COL8A1: variants seen among roughly 807,000 people sequenced by gnomAD.
The protein encoded by COL8A1 is collagen alpha-1(VIII) chain.
A neutral mutation model predicts 42.7 loss-of-function variants in COL8A1; 21 were observed. The observed-to-expected ratio is 0.49, with a 90% CI of 0.35 to 0.71. The LOEUF is 0.71. COL8A1 is among the 30% of genes least tolerant of loss of function. The pLI is 0.01. For missense variants in COL8A1, 788 were observed against 962.4 expected, an observed-to-expected ratio of 0.82 and a Z score of 2.40; for synonymous variants, 367 against 369.1, an observed-to-expected ratio of 0.99 and a Z score of 0.06.
At chr3:99,684,594 T>C (rs531079126) in intron 1 of COL8A1, among the ~76,000 whole-genome samples, 43 of 152,344 alleles carry the variant, frequency 2.8e-4, no homozygotes, top group African/African-American at 9.6e-4. Context: ...AAATGGACAG[T>C]AGTCAGATCT....
At chr3:99,660,861 A>G (rs1265824089) in intron 1 of COL8A1, among the ~76,000 whole-genome samples, 1 of 152,210 alleles carries the variant, frequency 6.6e-6, no homozygotes, top group Non-Finnish European at 1.5e-5. Context: ...AGCTAACCAT[A>G]ATGTCACAGG....
chr3:99,776,548 T>C (rs974953157), intron 2 of COL8A1, among the ~76,000 whole-genome samples: 1 of 152,124 alleles, frequency 6.6e-6, no homozygotes, highest in East Asian at 1.9e-4. Context: ...AGTTTCACTT[T>C]GTAAGCAAAA....
At chr3:99,719,361 C>A (rs950848847) in intron 1 of COL8A1, among the ~76,000 whole-genome samples, 5 of 151,854 alleles carry the variant, frequency 3.3e-5, no homozygotes, top group Admixed American at 6.6e-5. Flanking sequence ...AGTTCCTAGC[C>A]CATAGTAGGC....
intron 1 of COL8A1, among the ~76,000 whole-genome samples, chr3:99,689,118 A>T (rs1222279404): frequency 6.6e-6 from 1 of 152,216 alleles, no homozygotes; most frequent in Non-Finnish European, 1.5e-5. Flanking sequence ...GATATTAATT[A>T]ATGACTAATT....
chr3:99,691,327 AC>A (rs1215118690), intron 1 of COL8A1: 5 of 152,206 alleles, frequency 3.3e-5, no homozygotes, highest in African/African-American at 4.8e-5. Context: ...TAGTCATGAT[AC>A]CATGAATTCT....
At chr3:99,688,974 C>A (rs895398638) in intron 1 of COL8A1, among the ~76,000 whole-genome samples, 6 of 152,088 alleles carry the variant, frequency 3.9e-5, no homozygotes, top group African/African-American at 1.4e-4. Context: ...AAAAGTGTCT[C>A]CACACATAGC....
chr3:99,730,712 C>A (rs953009863), intron 1 of COL8A1, among the ~76,000 whole-genome samples: 1 of 152,036 alleles, frequency 6.6e-6, no homozygotes, highest in Admixed American at 6.6e-5. Flanking sequence ...GAGAAGTGAA[C>A]GTTATTCATT....
Position 99,797,631 on chromosome 3 carries a change from G to A in COL8A1, c.*1495G>A, listed in dbSNP as rs1942128357. On this transcript the variant is annotated 3_prime_UTR_variant, in exon 4 of 4. Coordinates refer to ENST00000652472, the MANE Select transcript of COL8A1 (RefSeq NM_020351.4). ...GAGGGGGGAGTTTCAGAATTACATAGAAAAATTAATATTTGAAAAAATAAT... is the reference window on the plus strand; with the variant it reads ...GAGGGGGGAGTTTCAGAATTACATAAAAAAATTAATATTTGAAAAAATAAT... The A allele has an allele frequency of 6.6e-6, 1 of 152,096 alleles. No individual in the cohort carries two copies. Among genetic ancestry groups the A allele is most frequent in the Non-Finnish European group, 1.5e-5 (1 of 68,026 alleles). The allele number at this position is 152,096 out of a possible 1,614,324, so 9.4% of individuals were successfully genotyped here. A position where few individuals can be genotyped will look rare whatever the true frequency, so the allele number is the denominator to read the frequency against.
chr3:99,696,494 A>C (rs1161721109), intron 1 of COL8A1, among the ~76,000 whole-genome samples: 1 of 152,176 alleles, frequency 6.6e-6, no homozygotes, highest in Non-Finnish European at 1.5e-5. Flanking sequence ...CTAAGGCAGA[A>C]AGAGAGCTTG....
At chr3:99,753,258 C>G (rs1407314188) in intron 2 of COL8A1, among the ~76,000 whole-genome samples, 1 of 152,194 alleles carries the variant, frequency 6.6e-6, no homozygotes, top group African/African-American at 2.4e-5. Context: ...TTAAGAACCA[C>G]TAACTGATCT....
chr3:99,703,154 T>G (rs185177091), intron 1 of COL8A1, among the ~76,000 whole-genome samples: 9 of 152,338 alleles, frequency 5.9e-5, no homozygotes, highest in African/African-American at 1.9e-4. Flanking sequence ...GTGAGGGTAT[T>G]GAGCAGAAAA....
chr3:99,714,776 A>G (rs1305300960), intron 1 of COL8A1, among the ~76,000 whole-genome samples: 1 of 152,136 alleles, frequency 6.6e-6, no homozygotes, highest in Non-Finnish European at 1.5e-5. Context: ...ACAGATATTG[A>G]ATAAGAAAAC....
At chr3:99,650,864 C>T (rs981234005) in intron 1 of COL8A1, among the ~76,000 whole-genome samples, 2 of 152,040 alleles carry the variant, frequency 1.3e-5, no homozygotes, top group Non-Finnish European at 1.5e-5. Flanking sequence ...TGGTTTAGGT[C>T]CCTTGGTGAG....
intron 1 of COL8A1, among the ~76,000 whole-genome samples, chr3:99,732,053 T>C (rs1940526271): frequency 6.6e-6 from 1 of 152,160 alleles, no homozygotes; most frequent in African/African-American, 2.4e-5. Flanking sequence ...AGAGGGGGCA[T>C]AGCCCTGCCA....
intron 1 of COL8A1, among the ~76,000 whole-genome samples, chr3:99,735,072 G>C (rs1265052749): frequency 6.6e-6 from 1 of 150,428 alleles, no homozygotes; most frequent in African/African-American, 2.5e-5. Context: ...GGGTTTTCTA[G>C]ATATACAATC....
intron 1 of COL8A1, among the ~76,000 whole-genome samples, chr3:99,682,315 T>C (rs527571451): frequency 6.6e-6 from 1 of 151,824 alleles, no homozygotes; most frequent in African/African-American, 2.4e-5. Context: ...TACTCGGGAG[T>C]CTGAGATGGC....
intron 1 of COL8A1, among the ~76,000 whole-genome samples, chr3:99,710,327 G>A (rs965403891): frequency 6.6e-6 from 1 of 151,988 alleles, no homozygotes; most frequent in South Asian, 2.1e-4. Context: ...TTGTGACACA[G>A]CAAAAATCAC....
chr3:99,796,320 A>G lies in COL8A1; in HGVS notation c.*184A>G. 1 of 491,474 alleles carries G rather than the reference A, an allele frequency of 2.0e-6. No individual in the cohort carries two copies. Among genetic ancestry groups the G allele is most frequent in the Non-Finnish European group, 3.5e-6 (1 of 282,438 alleles). 30.4% of individuals were successfully genotyped at this position (491,474 alleles called of 1,614,324 possible). On this transcript the variant is annotated 3_prime_UTR_variant, in exon 4 of 4. Transcript: ENST00000652472. ...AAGATGCATGTTTAATACTCCACACAGCAGCCTGTAATTGCGAATGATGGG... is the reference window on the plus strand; with the variant it reads ...AAGATGCATGTTTAATACTCCACACGGCAGCCTGTAATTGCGAATGATGGG...
chr3:99,666,789 A>C (rs551905815), intron 1 of COL8A1, among the ~76,000 whole-genome samples: 4 of 152,170 alleles, frequency 2.6e-5, no homozygotes, highest in African/African-American at 9.7e-5. Context: ...AAGTAGAAAA[A>C]TATTTGTGTA....
Sources: allele counts gnomAD v4.1 joint callset (sites outside exome capture counted in the v4.1 genomes callset), GRCh38; gene constraint gnomAD v4.1.1; transcripts MANE v1.5; gene names NCBI Gene and HGNC (gene_info 2026-07-23, HGNC 2026-07-21).